DDHD1: variants seen among roughly 807,000 people sequenced by gnomAD.
DDHD1 encodes DDHD domain containing 1, also known as phospholipase DDHD1.
A neutral mutation model predicts 96.4 loss-of-function variants in DDHD1; 49 were observed. The ratio of observed to expected loss-of-function variants is 0.51; its 90% CI spans 0.40 to 0.64. The LOEUF (loss-of-function observed/expected upper bound fraction) is 0.64, where lower values mean the gene tolerates loss of function less well. Ranked by LOEUF, DDHD1 falls within the 30% of genes least tolerant of loss-of-function variation. The probability of loss-of-function intolerance (pLI) is 0.00; values close to 1 mark genes in which losing one functional copy is unlikely to be tolerated. For synonymous variants in DDHD1, 442 were observed against 446.5 expected (o/e 0.99, Z 0.13); for missense variants, 1,106 against 1,161.2 (o/e 0.95, Z 0.69).
At chr14:53,123,613 AT>A (rs1889178695) in intron 1 of DDHD1, among the ~76,000 whole-genome samples, 1 of 152,218 alleles carries the variant, frequency 6.6e-6, no homozygotes, top group South Asian at 2.1e-4. Context: ...GTATGGTTAA[AT>A]CTTGAAAACC....
chr14:53,114,323 G>A (rs558310058), intron 1 of DDHD1, among the ~76,000 whole-genome samples: 55 of 152,330 alleles, frequency 3.6e-4, no homozygotes, highest in African/African-American at 1.2e-3. Flanking sequence ...CCTGCCTGCC[G>A]ACTCTGAAGA....
intron 1 of DDHD1, among the ~76,000 whole-genome samples, chr14:53,108,585 T>C (rs1352667758): frequency 6.6e-6 from 1 of 152,184 alleles, no homozygotes; most frequent in Non-Finnish European, 1.5e-5. Context: ...CAAAAACAAT[T>C]TAAAATTGCT....
intron 1 of DDHD1, among the ~76,000 whole-genome samples, chr14:53,132,481 T>C (rs567029444): frequency 1.3e-5 from 2 of 152,330 alleles, no homozygotes; most frequent in Admixed American, 6.5e-5. Flanking sequence ...GGCTATGCTA[T>C]AGTGTCTTCC....
At chr14:53,150,497 C>G (rs1891269749) in intron 1 of DDHD1, among the ~76,000 whole-genome samples, 1 of 152,202 alleles carries the variant, frequency 6.6e-6, no homozygotes, top group Non-Finnish European at 1.5e-5. Flanking sequence ...TCAAAAATCA[C>G]TTTGTAAACA....
At position 53,095,673 on chromosome 14, in the gene DDHD1, T is replaced by C. The variant is rs78119791; in HGVS notation, c.1013-2229A>G. Among the ~76,000 whole-genome samples, 421 of 152,284 alleles carry C rather than the reference T, an allele frequency of 2.8e-3. 1 individual carries two copies. The highest frequency in any genetic ancestry group is 4.8e-3 in the Non-Finnish European group (328 of 68,002). On this transcript the variant is annotated intron_variant, in intron 2 of 12. Coordinates refer to ENST00000673822, the MANE Select transcript of DDHD1 (RefSeq NM_001160148.2). Reference sequence around the variant, plus strand: ...AGGTCAGCTTTTTAAATAAAAGAGCTTTTCATAAACTAAAAAAAATCTTTT... The same window carrying C: ...AGGTCAGCTTTTTAAATAAAAGAGCCTTTCATAAACTAAAAAAAATCTTTT...
At chr14:53,066,958 C>CA (rs34195210) in intron 6 of DDHD1, among the ~76,000 whole-genome samples, 15,644 of 134,358 alleles carry the variant, frequency 0.12, 2,459 homozygotes, top group African/African-American at 0.36. Flanking sequence ...GAACCTGTCT[C>CA]AAAAAAAAAA....
At chr14:53,050,748 C>T (rs866402843) in intron 12 of DDHD1, among the ~76,000 whole-genome samples, 12 of 151,860 alleles carry the variant, frequency 7.9e-5, no homozygotes, top group African/African-American at 2.2e-4. Flanking sequence ...AAACAGGAAG[C>T]GCAAAAAGAA....
chr14:53,044,457 G>C lies in DDHD1; in HGVS notation c.*2311C>G, dbSNP rs1199193246. On this transcript the variant is annotated 3_prime_UTR_variant, in exon 13 of 13. Transcript: ENST00000673822. ...GGGCTCTTCATATTCTAGTGGTTAA[G>C]AATAAATCCCTTCAAGTTCTTATGC... The C allele has an allele frequency of 6.6e-6, 1 of 152,134 alleles. No individual in the cohort carries two copies. Among genetic ancestry groups the C allele is most frequent in the East Asian group, 1.9e-4 (1 of 5,196 alleles). The allele number at this position is 152,134 out of a possible 1,614,324, so 9.4% of individuals were successfully genotyped here.
At position 53,039,277 on chromosome 14, in the gene DDHD1, C is replaced by T. The variant is rs1204381549; in HGVS notation, c.*7491G>A. ...GGATGGCTCCATCCTCATATCACCC[C>T]ATGTGCCACTGGATTGTGTTTAACA... is the stretch of plus-strand genomic sequence containing the variant. On this transcript the variant is annotated 3_prime_UTR_variant, in exon 13 of 13. Coordinates refer to ENST00000673822, the MANE Select transcript of DDHD1 (RefSeq NM_001160148.2). 6.6e-6 allele frequency: 1 copy of T among 152,184 alleles called. No individual in the cohort carries two copies. Among genetic ancestry groups the T allele is most frequent in the African/African-American group, 2.4e-5 (1 of 41,448 alleles). 9.4% of individuals were successfully genotyped at this position (152,184 alleles called of 1,614,324 possible). A position where few individuals can be genotyped will look rare whatever the true frequency, so the allele number is the denominator to read the frequency against.
At chr14:53,143,454 C>A (rs1389349400) in intron 1 of DDHD1, among the ~76,000 whole-genome samples, 2 of 152,246 alleles carry the variant, frequency 1.3e-5, no homozygotes, top group African/African-American at 4.8e-5. Context: ...CACTTGCCAG[C>A]AGTTCTGCCA....
At chr14:53,064,358 T>TA (rs1479454201) in intron 6 of DDHD1, among the ~76,000 whole-genome samples, 3 of 152,016 alleles carry the variant, frequency 2.0e-5, no homozygotes, top group Non-Finnish European at 4.4e-5. Flanking sequence ...CTCAAAGCAC[T>TA]AAAAGATATA....
At position 53,046,663 on chromosome 14, in the gene DDHD1, A is replaced by G. The variant is rs1040581343; in HGVS notation, c.*105T>C. 4 of 749,388 alleles carry G rather than the reference A, an allele frequency of 5.3e-6. No individual in the cohort carries two copies. Among genetic ancestry groups the G allele is most frequent in the Non-Finnish European group, 6.0e-6 (3 of 502,204 alleles). The allele number at this position is 749,388 out of a possible 1,614,324, so 46.4% of individuals were successfully genotyped here. A position where few individuals can be genotyped will look rare whatever the true frequency, so the allele number is the denominator to read the frequency against. ...AATTCAAATATATGTTGCCCTAAAG[A>G]AAACTGAAATATACTTTAACCCTGA... On this transcript the variant is annotated 3_prime_UTR_variant, in exon 13 of 13. Coordinates refer to ENST00000673822, the MANE Select transcript of DDHD1 (RefSeq NM_001160148.2).
chr14:53,048,001 TAAG>T (rs942548580), intron 12 of DDHD1, among the ~76,000 whole-genome samples: 3 of 152,104 alleles, frequency 2.0e-5, no homozygotes, highest in Non-Finnish European at 2.9e-5. Context: ...TGGCACAAAT[TAAG>T]AAGGAGATTG....
chr14:53,153,214 C>T lies in DDHD1; in HGVS notation c.-116G>A. The T allele has an allele frequency of 1.0e-6, 1 of 968,586 alleles. No homozygotes were observed. Among genetic ancestry groups the T allele is most frequent in the South Asian group, 2.7e-5 (1 of 36,732 alleles). The allele number at this position is 968,586 out of a possible 1,614,324, so 60.0% of individuals were successfully genotyped here. On this transcript the variant is annotated 5_prime_UTR_variant, in exon 1 of 13. Coordinates refer to ENST00000673822, the MANE Select transcript of DDHD1 (RefSeq NM_001160148.2). ...CCGAAGTTTCTAATCTTTCAAATCC[C>T]GACCCGAGCTGCGGCGGCAGCGGCG...
In DDHD1 at chr14:53,040,758, A is replaced by C. The variant is rs1278690325; in HGVS notation, c.*6010T>G. 1 of 152,152 alleles carries C rather than the reference A, an allele frequency of 6.6e-6. No individual in the cohort carries two copies. Among genetic ancestry groups the C allele is most frequent in the African/African-American group, 2.4e-5 (1 of 41,428 alleles). 9.4% of individuals were successfully genotyped at this position (152,152 alleles called of 1,614,324 possible). The stretch of plus-strand genomic sequence containing the variant: ...TTGGCTATTGAAAATAAGAGGTAAC[A>C]AAGGAAAAGAAAAAGCCTGCCTTCA... On this transcript the variant is annotated 3_prime_UTR_variant, in exon 13 of 13. Coordinates refer to ENST00000673822, the MANE Select transcript of DDHD1 (RefSeq NM_001160148.2).
intron 1 of DDHD1, among the ~76,000 whole-genome samples, chr14:53,150,738 C>G (rs1373377013): frequency 6.6e-6 from 1 of 152,190 alleles, no homozygotes; most frequent in Non-Finnish European, 1.5e-5. Context: ...GAAGGAAACA[C>G]CGAGTGGGAA....
In DDHD1 at chr14:53,042,507, A is replaced by G. The variant is rs574130917; in HGVS notation, c.*4261T>C. ...TGACATGATACTGTAACAGGGTTGG[A>G]TTAAATGATCTCTAAAAATCTGTAC... On this transcript the variant is annotated 3_prime_UTR_variant, in exon 13 of 13. Transcript: ENST00000673822. The G allele has an allele frequency of 2.6e-5, 4 of 152,324 alleles. No individual in the cohort carries two copies. The East Asian group carries it at 7.7e-4, about 29-fold the overall frequency. The allele number at this position is 152,324 out of a possible 1,614,324, so 9.4% of individuals were successfully genotyped here. A position where few individuals can be genotyped will look rare whatever the true frequency, so the allele number is the denominator to read the frequency against.
rs376508222 is a variant in DDHD1 at position 53,119,783 on chromosome 14, A to G, written c.839-15927T>C. Among the ~76,000 whole-genome samples the G allele has an allele frequency of 3.9e-5, 6 of 152,358 alleles. No individual in the cohort carries two copies. In the East Asian group the frequency reaches 5.8e-4, roughly 15 times the overall value. ...TCATGCTAAAAACTCTCAATAAACT[A>G]GGTATCAATAGAATATAACTCAAAA... On this transcript the variant is annotated intron_variant, in intron 1 of 12. Coordinates refer to ENST00000673822, the MANE Select transcript of DDHD1 (RefSeq NM_001160148.2).
chr14:53,152,143 C>A (rs1891436174), intron 1 of DDHD1, 118 bp downstream of exon 1: 2 of 1,099,554 alleles, frequency 1.8e-6, no homozygotes, highest in African/African-American at 1.6e-5. Flanking sequence ...CCTGCCCCAG[C>A]CAAACGCCAG....
Sources: gnomAD v4.1 joint callset for allele counts (sites outside exome capture counted in the v4.1 genomes callset) on GRCh38, gnomAD v4.1.1 for gene constraint, MANE v1.5 for transcripts, NCBI Gene and HGNC (gene_info 2026-07-23, HGNC 2026-07-21) for gene names.